The following SMOC1 variants were observed in gnomAD, a reference collection of about 807,000 sequenced individuals.
SMOC1 encodes the protein SPARC-related modular calcium-binding protein 1.
SMOC1 carries 22 observed loss-of-function variants against 56.3 expected under a neutral mutation model. The ratio of observed to expected loss-of-function variants is 0.39; its 90% CI spans 0.28 to 0.56. The LOEUF (loss-of-function observed/expected upper bound fraction) is 0.56, where lower values mean the gene tolerates loss of function less well. Ranked by LOEUF, SMOC1 falls within the 20% of genes least tolerant of loss-of-function variation. The pLI is 0.61. For missense variants in SMOC1, 509 were observed against 565.4 expected (o/e 0.90, Z 1.01); for synonymous variants, 193 against 215.0 (o/e 0.90, Z 0.89).
intron 1 of SMOC1, among the ~76,000 whole-genome samples, chr14:69,883,826 T>G (rs933287715): frequency 2.7e-5 from 4 of 150,770 alleles, no homozygotes; most frequent in African/African-American, 9.7e-5. Context: ...CCATTCTAAC[T>G]GGAGTGAGGT....
chr14:69,935,073 G>A (rs962264777), intron 1 of SMOC1, among the ~76,000 whole-genome samples: 1 of 152,184 alleles, frequency 6.6e-6, no homozygotes, highest in Non-Finnish European at 1.5e-5. Context: ...TTAGAATGCT[G>A]TAAAATTTCA....
intron 1 of SMOC1, among the ~76,000 whole-genome samples, chr14:69,890,095 C>A (rs184078110): frequency 2.0e-4 from 31 of 152,262 alleles, no homozygotes; most frequent in South Asian, 6.2e-4. Flanking sequence ...TCATTAAGGG[C>A]CTGGTACAGT....
chr14:69,946,616 G>T (rs767138661), intron 1 of SMOC1, among the ~76,000 whole-genome samples: 1 of 152,210 alleles, frequency 6.6e-6, no homozygotes, highest in Non-Finnish European at 1.5e-5. Context: ...GAGATGGCTT[G>T]CTCCTGCCCA....
chr14:70,029,396 C>A (rs1886054459), intron 11 of SMOC1, among the ~76,000 whole-genome samples: 1 of 152,196 alleles, frequency 6.6e-6, no homozygotes, highest in South Asian at 2.1e-4. Context: ...AGCACCAGAG[C>A]CCTTCTTAGT....
At position 70,010,755 on chromosome 14, in the gene SMOC1, GAA is replaced by G; in HGVS notation, c.668_669del (p.Lys223SerfsTer5). On this transcript the variant is annotated frameshift_variant and splice_region_variant, in exon 8 of 12. Coordinates refer to ENST00000361956, the MANE Select transcript of SMOC1 (RefSeq NM_001034852.3). LOFTEE classifies it high-confidence loss of function. ...CACAGGCTGTGTCTTCTCTTGCAGA[GAA>G]AGTCTATTCGTGTGACCAGGAGAGG... ...LNNTNIRNSEKVYSCDQERQS... is the reference protein window; with the variant it reads ...LNNTNIRNSEXVYSCDQERQS... 1 of 1,614,198 alleles carries G rather than the reference GAA, an allele frequency of 6.2e-7. No homozygotes were observed. Among genetic ancestry groups the G allele is most frequent in the Non-Finnish European group, 8.5e-7 (1 of 1,180,010 alleles).
intron 3 of SMOC1, among the ~76,000 whole-genome samples, chr14:69,959,523 T>C (rs1308735852): frequency 6.6e-6 from 1 of 152,202 alleles, no homozygotes; most frequent in East Asian, 1.9e-4. Flanking sequence ...TTATGTTTCC[T>C]GTCTTTGAGC....
At chr14:69,932,844 G>A (rs976042048) in intron 1 of SMOC1, among the ~76,000 whole-genome samples, 7 of 152,042 alleles carry the variant, frequency 4.6e-5, no homozygotes, top group African/African-American at 1.2e-4. Flanking sequence ...TGGGGACGCT[G>A]GCAGCAGTTC....
intron 1 of SMOC1, among the ~76,000 whole-genome samples, chr14:69,903,769 A>G (rs1181234162): frequency 6.6e-6 from 1 of 152,178 alleles, no homozygotes; most frequent in Admixed American, 6.5e-5. Flanking sequence ...ACACTGCGGA[A>G]GGCCCCAGGG....
chr14:69,956,349 G>T (rs1256674645), intron 3 of SMOC1, among the ~76,000 whole-genome samples: 1 of 152,002 alleles, frequency 6.6e-6, no homozygotes, highest in African/African-American at 2.4e-5. Flanking sequence ...CACAAAATAA[G>T]GCTGCCTCTT....
At chr14:69,907,892 G>T (rs1884451923) in intron 1 of SMOC1, among the ~76,000 whole-genome samples, 2 of 152,176 alleles carry the variant, frequency 1.3e-5, no homozygotes, top group South Asian at 4.1e-4. Flanking sequence ...GGGGTGAGGG[G>T]TCTCACTCTG....
At chr14:69,891,066 T>C (rs1425131516) in intron 1 of SMOC1, among the ~76,000 whole-genome samples, 1 of 152,250 alleles carries the variant, frequency 6.6e-6, no homozygotes, top group African/African-American at 2.4e-5. Context: ...CTGTACTCAT[T>C]ATTGCAGATG....
At chr14:69,927,338 A>G (rs1413586188) in intron 1 of SMOC1, among the ~76,000 whole-genome samples, 1 of 152,158 alleles carries the variant, frequency 6.6e-6, no homozygotes, top group Non-Finnish European at 1.5e-5. Context: ...AGGCTTTATA[A>G]TTGCTTGAGA....
intron 5 of SMOC1, among the ~76,000 whole-genome samples, chr14:69,979,236 C>T (rs1215341107): frequency 6.6e-6 from 1 of 152,042 alleles, no homozygotes; most frequent in East Asian, 1.9e-4. Context: ...GGCGAAGTCA[C>T]CCACTCTGAA....
At chr14:69,883,593 G>C (rs1883706002) in intron 1 of SMOC1, among the ~76,000 whole-genome samples, 2 of 152,198 alleles carry the variant, frequency 1.3e-5, no homozygotes, top group South Asian at 4.1e-4. Context: ...AAACATGGGA[G>C]AACAGGTATT....
chr14:69,976,309 G>C (rs548263862), intron 4 of SMOC1, among the ~76,000 whole-genome samples: 1 of 152,124 alleles, frequency 6.6e-6, no homozygotes, highest in African/African-American at 2.4e-5. Context: ...GAAAATTTTC[G>C]TAACAGTGGC....
chr14:70,011,560 G>A lies in SMOC1; in HGVS notation c.933G>A (p.Glu311=). The A allele has an allele frequency of 6.2e-7, 1 of 1,613,918 alleles. No homozygotes were observed. The highest frequency in any genetic ancestry group is 8.5e-7 in the Non-Finnish European group (1 of 1,179,914). ...TEADDPFKDR[E]LPGCPEGKKM... is the part of the protein sequence containing the mutation. ...CGGATGACCCCTTCAAGGACAGGGA[G>A]CTACCAGGTGGGAGACGATGCTGCC... is the stretch of plus-strand genomic sequence containing the variant. Residue 311 remains glutamate (E), a synonymous_variant, in exon 9 of 12, where the codon GAG becomes GAA. Transcript: ENST00000361956.
At chr14:69,886,261 C>G (rs536259293) in intron 1 of SMOC1, 13 of 623,904 alleles carry the variant, frequency 2.1e-5, no homozygotes, top group Non-Finnish European at 5.6e-6. Flanking sequence ...TCTTCCTCTT[C>G]TTTGCACCAA....
intron 1 of SMOC1, among the ~76,000 whole-genome samples, chr14:69,926,801 G>C (rs1885024528): frequency 1.3e-5 from 2 of 152,176 alleles, no homozygotes; most frequent in South Asian, 4.1e-4. Context: ...AAAGTATGTT[G>C]GAGTCAGCAG....
intron 1 of SMOC1, among the ~76,000 whole-genome samples, chr14:69,930,168 C>A (rs1168649980): frequency 6.7e-6 from 1 of 150,138 alleles, no homozygotes; most frequent in South Asian, 2.1e-4. Flanking sequence ...AGTGACTGTA[C>A]CCCTGACAGC....
Sources: allele counts gnomAD v4.1 joint callset (sites outside exome capture counted in the v4.1 genomes callset), GRCh38; gene constraint gnomAD v4.1.1; transcripts MANE v1.5; gene names NCBI Gene and HGNC (gene_info 2026-07-23, HGNC 2026-07-21).